Variants in ANXA4 observed in about 807,000 individuals in gnomAD.
ANXA4 encodes 35-beta calcimedin.
ANXA4 carries 39 observed loss-of-function variants against 49.8 expected under a neutral mutation model. The observed-to-expected ratio is 0.78, with a 90% CI of 0.61 to 1.02. The LOEUF is 1.02. Ranked by LOEUF, ANXA4 falls within the 50% of genes least tolerant of loss-of-function variation. The pLI is 0.00. For missense variants in ANXA4, 360 were observed against 410.1 expected, an observed-to-expected ratio of 0.88 and a Z score of 1.05; for synonymous variants, 134 against 152.5, an observed-to-expected ratio of 0.88 and a Z score of 0.89.
intron 1 of ANXA4, among the ~76,000 whole-genome samples, chr2:69,767,949 A>T (rs1671560399): frequency 6.6e-6 from 1 of 151,992 alleles, no homozygotes; most frequent in South Asian, 2.1e-4. Flanking sequence ...TGTATATATT[A>T]TGCATATTAT....
chr2:69,706,150 ACT>A (rs893022882), intron 2 of ANXA4, among the ~76,000 whole-genome samples: 1 of 150,686 alleles, frequency 6.6e-6, no homozygotes, highest in African/African-American at 2.4e-5. Flanking sequence ...AGATACTAAG[ACT>A]CTGGTTTTTG....
chr2:69,724,776 T>TAAGCTGGGGCAA (rs1423680962), intron 3 of ANXA4, among the ~76,000 whole-genome samples: 19 of 82,158 alleles, frequency 2.3e-4, no homozygotes, highest in East Asian at 7.0e-4. Context: ...GCAAGAAAGA[T>TAAGCTGGGGCAA]GAACTCATTC....
At chr2:69,705,240 G>C (rs1215172190) in intron 2 of ANXA4, among the ~76,000 whole-genome samples, 4 of 152,090 alleles carry the variant, frequency 2.6e-5, no homozygotes, top group Non-Finnish European at 5.9e-5. Flanking sequence ...GGGCTTCAGT[G>C]AGCCAAGATC....
At chr2:69,669,002 T>TCTCGCCTCACTGCAAC (rs1159200920) in intron 2 of ANXA4, among the ~76,000 whole-genome samples, 6 of 151,910 alleles carry the variant, frequency 3.9e-5, no homozygotes, top group African/African-American at 1.4e-4. Context: ...AGTGGTGCGA[T>TCTCGCCTCACTGCAAC]CTCGCCTCAC....
intron 8 of ANXA4, among the ~76,000 whole-genome samples, chr2:69,814,342 C>CTTTTTTTTTTTTT (rs781253870): frequency 4.1e-5 from 4 of 97,302 alleles, no homozygotes; most frequent in African/African-American, 4.3e-5. Context: ...GTATTTTATT[C>CTTTTTTTTTTTTT]TTTTTTTTTT....
intron 2 of ANXA4, among the ~76,000 whole-genome samples, chr2:69,688,973 A>T (rs1677878200): frequency 6.6e-6 from 1 of 152,214 alleles, no homozygotes; most frequent in African/African-American, 2.4e-5. Context: ...TAGGTTGATC[A>T]TAGTTTCTGG....
intron 2 of ANXA4, among the ~76,000 whole-genome samples, chr2:69,696,621 T>G (rs1678168635): frequency 6.6e-6 from 1 of 152,226 alleles, no homozygotes; most frequent in Non-Finnish European, 1.5e-5. Context: ...GAGGAATCAC[T>G]ATCTATGGCA....
chr2:69,790,281 T>C (rs1672626377), intron 3 of ANXA4, among the ~76,000 whole-genome samples: 1 of 152,068 alleles, frequency 6.6e-6, no homozygotes, highest in Non-Finnish European at 1.5e-5. Flanking sequence ...TAGGGGAAAC[T>C]GGGTGACGAT....
intron 2 of ANXA4, among the ~76,000 whole-genome samples, chr2:69,694,853 T>G (rs1375386830): frequency 6.6e-6 from 1 of 152,138 alleles, no homozygotes; most frequent in African/African-American, 2.4e-5. Flanking sequence ...CTCAAACTGC[T>G]GGGTTCAAGT....
intron 1 of ANXA4, among the ~76,000 whole-genome samples, chr2:69,757,534 A>G (rs2105513147): frequency 6.7e-6 from 1 of 149,434 alleles, no homozygotes; most frequent in Non-Finnish European, 1.5e-5. Context: ...CGGCCTCCCA[A>G]AGTTCTGGGG....
intron 1 of ANXA4, among the ~76,000 whole-genome samples, chr2:69,745,183 A>C (rs1253391233): frequency 2.0e-5 from 3 of 152,166 alleles, no homozygotes; most frequent in Non-Finnish European, 4.4e-5. Context: ...GGGGTTTGAC[A>C]TGTGGATAAG....
chr2:69,772,993 G>C (rs1033563885), intron 1 of ANXA4, among the ~76,000 whole-genome samples: 5 of 151,672 alleles, frequency 3.3e-5, no homozygotes, highest in Non-Finnish European at 7.4e-5. Flanking sequence ...CTCCAGCCTG[G>C]CAACAGAGCG....
chr2:69,805,604 TAA>T (rs59230779), intron 4 of ANXA4, among the ~76,000 whole-genome samples: 56 of 126,256 alleles, frequency 4.4e-4, no homozygotes, highest in Non-Finnish European at 4.0e-4. Context: ...AGACTCCATC[TAA>T]AAAAAAAAAA....
At chr2:69,819,179 A>G (rs1453331190) in intron 10 of ANXA4, 101 bp from the exon 11 acceptor site, 14 of 833,952 alleles carry the variant, frequency 1.7e-5, no homozygotes, top group Middle Eastern at 5.2e-4. Flanking sequence ...GGCAAAGCAA[A>G]TATTGATACC....
intron 3 of ANXA4, 57 bp downstream of exon 3, chr2:69,788,198 A>C: frequency 6.7e-7 from 1 of 1,495,668 alleles, no homozygotes; most frequent in Non-Finnish European, 9.3e-7. Context: ...ACAGGGTCAC[A>C]CAGGAGGGTG....
At chr2:69,810,698 G>A (rs550934092) in intron 7 of ANXA4, 25 bp downstream of exon 7, 2 of 1,601,622 alleles carry the variant, frequency 1.2e-6, no homozygotes, top group Non-Finnish European at 8.6e-7. Flanking sequence ...CTGATGGGGG[G>A]CGGGTTTTAT....
chr2:69,714,635 C>T (rs997723354), intron 2 of ANXA4, among the ~76,000 whole-genome samples: 10 of 152,196 alleles, frequency 6.6e-5, no homozygotes, highest in African/African-American at 2.4e-4. Context: ...TGGGAGAGGG[C>T]CTGCGTTGGG....
At chr2:69,711,676 A>G (rs1241581009) in intron 2 of ANXA4, among the ~76,000 whole-genome samples, 6 of 152,224 alleles carry the variant, frequency 3.9e-5, no homozygotes, top group African/African-American at 2.4e-5. Flanking sequence ...GTACCTCAAT[A>G]AAGCCAATTA....
chr2:69,749,090 A>G (rs552966839), intron 1 of ANXA4, among the ~76,000 whole-genome samples: 1 of 152,214 alleles, frequency 6.6e-6, no homozygotes, highest in African/African-American at 2.4e-5. Flanking sequence ...GTTTGGGGGA[A>G]TTCAGCTGGC....
Sources: allele counts gnomAD v4.1 joint callset (sites outside exome capture counted in the v4.1 genomes callset), GRCh38; gene constraint gnomAD v4.1.1; transcripts MANE v1.5; gene names NCBI Gene and HGNC (gene_info 2026-07-23, HGNC 2026-07-21).